Variants in GYG2 observed in about 807,000 individuals in gnomAD.
GYG2 encodes the protein glycogenin-2.
In GYG2, 29 loss-of-function variants were observed where a neutral mutation model predicts 29.4. The ratio of observed to expected loss-of-function variants is 0.99; its 90% confidence interval spans 0.74 to 1.35. The LOEUF is 1.35. Among genes scored for constraint, GYG2 ranks in the 40% most tolerant of loss-of-function variants. The pLI is 0.00. For missense variants in GYG2, 370 were observed against 385.7 expected, an observed-to-expected ratio of 0.96 and a Z score of 0.34; for synonymous variants, 167 against 172.3, an observed-to-expected ratio of 0.97 and a Z score of 0.24.
Position 2,882,425 on chromosome X carries a change from T to C in GYG2, c.*1212T>C, listed in dbSNP as rs1010150604. 9.0e-6 allele frequency: 1 copy of C among 111,438 alleles called. No individual in the cohort carries two copies. The highest frequency in any genetic ancestry group is 1.9e-5 in the Non-Finnish European group (1 of 53,123). The allele number at this position is 111,438 out of a possible 1,213,427, so 9.2% of individuals were successfully genotyped here. ...TGTTTACGTGGAGAGGCGTGGCCAC[T>C]TTTTAGGTCACCTGAAGCAGTTTAG... On this transcript the variant is annotated 3_prime_UTR_variant, in exon 11 of 11. Coordinates refer to ENST00000398806, the MANE Select transcript of GYG2 (RefSeq NM_001079855.2).
intron 2 of GYG2, among the ~76,000 whole-genome samples, chrX:2,842,395 C>T (rs2087524157): frequency 9.2e-6 from 1 of 108,420 alleles, no homozygotes; most frequent in Admixed American, 1.0e-4. Context: ...TGAGGTCTTG[C>T]TGTGTTTCCC....
intron 2 of GYG2, among the ~76,000 whole-genome samples, chrX:2,832,476 G>A (rs146314851): frequency 1.8e-5 from 2 of 111,395 alleles, no homozygotes; most frequent in African/African-American, 6.5e-5. Context: ...TTCCTCCTGA[G>A]GCCTCTCTCC....
chrX:2,877,462 C>G, intron 10 of GYG2, 155 bp downstream of exon 10: 3 of 1,083,769 alleles, frequency 2.8e-6, no homozygotes, highest in Non-Finnish European at 3.6e-6. Context: ...TCTGATTCTT[C>G]TGTCTTCTCT....
chrX:2,838,727 G>A, intron 2 of GYG2, among the ~76,000 whole-genome samples: 1 of 109,722 alleles, frequency 9.1e-6, no homozygotes, highest in South Asian at 3.9e-4. Context: ...TTTCCTCAAT[G>A]ATGTTTTCCA....
chrX:2,867,326 T>G (rs2088321528), intron 8 of GYG2, among the ~76,000 whole-genome samples: 1 of 111,106 alleles, frequency 9.0e-6, no homozygotes, highest in Non-Finnish European at 1.9e-5. Flanking sequence ...GATAGTGCAG[T>G]GCCCAACTGC....
chrX:2,879,066 G>T (rs1437632747), intron 10 of GYG2, among the ~76,000 whole-genome samples: 1 of 110,974 alleles, frequency 9.0e-6, no homozygotes, highest in African/African-American at 3.3e-5. Context: ...TAATCAATAG[G>T]ATGGCTGTCT....
At chrX:2,850,790 C>T (rs1412037283) in intron 3 of GYG2, among the ~76,000 whole-genome samples, 1 of 109,966 alleles carries the variant, frequency 9.1e-6, no homozygotes, top group Non-Finnish European at 1.9e-5. Context: ...TTTTCCTTGA[C>T]CTACCCAAAT....
At chrX:2,868,194 A>G (rs1441886588) in intron 8 of GYG2, among the ~76,000 whole-genome samples, 1 of 110,903 alleles carries the variant, frequency 9.0e-6, no homozygotes, top group Non-Finnish European at 1.9e-5. Flanking sequence ...CCCTGACAGA[A>G]TAAAAAGAAT....
At chrX:2,831,906 C>G (rs1221367221) in intron 2 of GYG2, among the ~76,000 whole-genome samples, 1 of 112,193 alleles carries the variant, frequency 8.9e-6, no homozygotes, top group Non-Finnish European at 1.9e-5. Flanking sequence ...GACAATGTCT[C>G]CTTTTTGTGG....
intron 8 of GYG2, among the ~76,000 whole-genome samples, chrX:2,863,510 G>A (rs1449693103): frequency 5.3e-5 from 6 of 112,223 alleles, no homozygotes; most frequent in Admixed American, 9.4e-5. Flanking sequence ...AGATAGCTCC[G>A]GGAGAGCCGT....
At chrX:2,871,689 C>CAAATAAATAAATAAAT (rs200105400) in intron 8 of GYG2, among the ~76,000 whole-genome samples, 3 of 99,977 alleles carry the variant, frequency 3.0e-5, no homozygotes, top group African/African-American at 1.1e-4. Flanking sequence ...GACTCCGTCT[C>CAAATAAATAAATAAAT]AAATAAATAA....
intron 8 of GYG2, among the ~76,000 whole-genome samples, chrX:2,869,574 C>T (rs896046595): frequency 1.2e-4 from 14 of 112,210 alleles, no homozygotes; most frequent in East Asian, 5.6e-4. Context: ...GCTGAGTGTG[C>T]GTCTGGGGCT....
chrX:2,858,405 G>T (rs1250432638), intron 6 of GYG2, among the ~76,000 whole-genome samples: 1 of 111,575 alleles, frequency 9.0e-6, no homozygotes, highest in Non-Finnish European at 1.9e-5. Flanking sequence ...AGTGGAGTTT[G>T]CAGTGAGCCG....
intron 2 of GYG2, among the ~76,000 whole-genome samples, chrX:2,839,502 T>C (rs964489528): frequency 9.0e-6 from 1 of 111,407 alleles, no homozygotes; most frequent in African/African-American, 3.3e-5. Flanking sequence ...ATCATGCTGA[T>C]GGAAAGAAGT....
In GYG2 at chrX:2,869,988, A is replaced by G. The variant is rs958434103; in HGVS notation, c.1039-5822A>G. On this transcript the variant is annotated intron_variant, in intron 8 of 10. Transcript: ENST00000398806. Reference sequence around the variant, plus strand: ...AAAGCTGAATATTAATTTTTTCCACATACATTAATGTATTAAGGAAAAAGT... The same window carrying G: ...AAAGCTGAATATTAATTTTTTCCACGTACATTAATGTATTAAGGAAAAAGT... Among the ~76,000 whole-genome samples, 8 of 110,929 alleles carry G rather than the reference A, an allele frequency of 7.2e-5. No individual in the cohort carries two copies. The Admixed American group carries it at 7.6e-4, about 11-fold the overall frequency.
chrX:2,836,333 A>G (rs1487013177), intron 2 of GYG2, among the ~76,000 whole-genome samples: 1 of 110,376 alleles, frequency 9.1e-6, no homozygotes, highest in Admixed American at 9.7e-5. Flanking sequence ...CAAAGGAGGG[A>G]AGCTGTGGCT....
intron 10 of GYG2, 118 bp from the exon 11 acceptor site, chrX:2,880,934 T>A (rs1489198891): frequency 1.7e-5 from 10 of 604,516 alleles, no homozygotes; most frequent in Non-Finnish European, 2.1e-5. Flanking sequence ...ATTCGCAATC[T>A]CTTTTTGAGA....
intron 2 of GYG2, among the ~76,000 whole-genome samples, chrX:2,833,746 G>A (rs2087316653): frequency 8.9e-6 from 1 of 112,248 alleles, no homozygotes; most frequent in African/African-American, 3.2e-5. Flanking sequence ...GTGGTTATCA[G>A]TCACTGATTG....
intron 8 of GYG2, among the ~76,000 whole-genome samples, chrX:2,862,658 C>T (rs147502696): frequency 0.029 from 3,228 of 111,405 alleles, 132 homozygotes; most frequent in African/African-American, 0.1. Flanking sequence ...TTGTCCCCAT[C>T]GAAGAAAAAT....
Sources: allele counts gnomAD v4.1 joint callset (sites outside exome capture counted in the v4.1 genomes callset), GRCh38; gene constraint gnomAD v4.1.1; transcripts MANE v1.5; gene names NCBI Gene and HGNC (gene_info 2026-07-23, HGNC 2026-07-21).